ZNF737: variants seen among roughly 807,000 people sequenced by gnomAD.
ZNF737 encodes zinc finger protein 102 (Y3).
Under a neutral mutation model 11.7 loss-of-function variants are expected in ZNF737, and 13 were observed. That is an observed-to-expected ratio of 1.11 (90% CI 0.73 to 1.77). ZNF737 has a LOEUF of 1.77. Ranked by LOEUF, ZNF737 falls within the 40% of genes most tolerant of loss-of-function variation. The pLI, the probability that ZNF737 is intolerant of heterozygous loss-of-function variation, is 0.00. For synonymous variants in ZNF737, 217 were observed against 216.2 expected (o/e 1.00, Z -0.03); for missense variants, 636 against 638.0 (o/e 1.00, Z 0.03).
Position 20,543,283 on chromosome 19 carries a change from A to T in ZNF737, c.*1309T>A. 1.0e-6 allele frequency: 1 copy of T among 985,540 alleles called. No homozygotes were observed. Among genetic ancestry groups the T allele is most frequent in the Non-Finnish European group, 1.2e-6 (1 of 829,916 alleles). The allele number at this position is 985,540 out of a possible 1,614,324, so 61.0% of individuals were successfully genotyped here. ...AATTCCCTGATGTTGAACAAACTTG[A>T]GCAACTGCTTTAGGATTTTCCTCCA... is the stretch of plus-strand genomic sequence containing the variant. On this transcript the variant is annotated 3_prime_UTR_variant, in exon 4 of 4. Transcript: ENST00000427401.
rs1968384263 is a variant in ZNF737 at position 20,545,040 on chromosome 19, T to C, written c.1163A>G (p.Lys388Arg). 1.2e-6 allele frequency: 2 copies of C among 1,613,824 alleles called. No homozygotes were observed. Among genetic ancestry groups the C allele is most frequent in the African/African-American group, 2.7e-5 (2 of 74,944 alleles). ...GGGTTTCTCTCCAGTATGAATTCTC[T>C]TATGTGTAGTAAGGTGTGAGGACCA... Reference protein sequence around the residue: ...FNWSSHLTTHKRIHTGEKPYK... With the variant: ...FNWSSHLTTHRRIHTGEKPYK... The change falls in exon 4 of 4, where the codon AAG becomes AGG. Residue 388 changes from lysine to arginine, a missense_variant. By Grantham distance (26) the Lys-to-Arg change is conservative. Coordinates refer to ENST00000427401, the MANE Select transcript of ZNF737 (RefSeq NM_001159293.2).
Position 20,538,806 on chromosome 19 carries a change from C to T in ZNF737, c.*5786G>A, listed in dbSNP as rs560862159. On this transcript the variant is annotated 3_prime_UTR_variant, in exon 4 of 4. Transcript: ENST00000427401. ...TGTTATTTGCATAGCTAGATAATTA[C>T]CAACTTTAGTCATACTATTTTTTAG... is the stretch of plus-strand genomic sequence containing the variant. 2.5e-5 allele frequency: 25 copies of T among 985,348 alleles called. No individual in the cohort carries two copies. The South Asian group carries it at 3.3e-4, about 13-fold the overall frequency. 61.0% of individuals were successfully genotyped at this position (985,348 alleles called of 1,614,324 possible).
Position 20,540,071 on chromosome 19 carries a change from C to G in ZNF737, c.*4521G>C. On this transcript the variant is annotated 3_prime_UTR_variant, in exon 4 of 4. Coordinates refer to ENST00000427401, the MANE Select transcript of ZNF737 (RefSeq NM_001159293.2). The stretch of plus-strand genomic sequence containing the variant: ...TGAGATTCCCTTTTTTTTCCCTCTG[C>G]CATAGAATCCTCTTATGTTCCTTAC... 1.0e-6 allele frequency: 1 copy of G among 985,218 alleles called. No individual in the cohort carries two copies. Among genetic ancestry groups the G allele is most frequent in the Non-Finnish European group, 1.2e-6 (1 of 829,886 alleles). The allele number at this position is 985,218 out of a possible 1,614,324, so 61.0% of individuals were successfully genotyped here.
At chr19:20,553,126 C>T (rs1968756431) in intron 2 of ZNF737, among the ~76,000 whole-genome samples, 1 of 151,984 alleles carries the variant, frequency 6.6e-6, no homozygotes, top group Admixed American at 6.6e-5. Context: ...TTTAGATTTT[C>T]AGGTGGAAGC....
chr19:20,541,064 C>T lies in ZNF737; in HGVS notation c.*3528G>A. On this transcript the variant is annotated 3_prime_UTR_variant, in exon 4 of 4. Transcript: ENST00000427401. Reference sequence around the variant, plus strand: ...GTTTCTGGAGACAAAGTTGCCTGTGCTTTAATAGGCAGACTCTGGGGAGAA... The same window carrying T: ...GTTTCTGGAGACAAAGTTGCCTGTGTTTTAATAGGCAGACTCTGGGGAGAA... The T allele has an allele frequency of 2.0e-6, 2 of 985,212 alleles. No homozygotes were observed. The highest frequency in any genetic ancestry group is 3.5e-5 in the African/African-American group (2 of 57,304). The allele number at this position is 985,212 out of a possible 1,614,324, so 61.0% of individuals were successfully genotyped here.
At position 20,546,085 on chromosome 19, in the gene ZNF737, C is replaced by T. The variant is rs145888503; in HGVS notation, c.227-109G>A. ...AAACTACATAAGCAAGATGACACAG[C>T]AAAATACCACAAACTGTAATTTCTT... On this transcript the variant is annotated intron_variant, in intron 3 of 3. Transcript: ENST00000427401. 1,817 of 1,271,456 alleles carry T rather than the reference C, an allele frequency of 1.4e-3. 10 individuals carry two copies. In the East Asian group the frequency reaches 0.014, roughly 10 times the overall value. 78.8% of individuals were successfully genotyped at this position (1,271,456 alleles called of 1,614,324 possible).
rs1968440413 is a variant in ZNF737 at position 20,545,946 on chromosome 19, C to G, written c.257G>C (p.Trp86Ser). The part of the protein sequence containing the change: ...VTCSHFARDL[W>S]PEQSIKDSFQ... The stretch of plus-strand genomic sequence containing the variant: ...AGAATCTTTTATGCTCTGCTCTGGC[C>G]AAAGATCTCGGGCAAAATGAGAACA... The change falls in exon 4 of 4, where the codon TGG becomes TCG. Residue 86 changes from tryptophan (W) to serine (S), a missense_variant. Transcript: ENST00000427401. The G allele has an allele frequency of 6.4e-7, 1 of 1,558,494 alleles. No homozygotes were observed. Among genetic ancestry groups the G allele is most frequent in the Non-Finnish European group, 8.6e-7 (1 of 1,158,316 alleles).
rs1264978602 is a variant in ZNF737, at chr19:20,544,893, A to C, written c.1310T>G (p.Phe437Cys). 3.8e-6 allele frequency: 6 copies of C among 1,591,002 alleles called. No homozygotes were observed. The highest frequency in any genetic ancestry group is 1.7e-6 in the Non-Finnish European group (2 of 1,171,608). ...TCTCTTATGTGTAGTAAGGATAGAG[A>C]AGCACTTAAAGGCCTTGCCACATTC... Reference protein sequence around the residue: ...CEECGKAFKCFSILTTHKRIH... With the variant: ...CEECGKAFKCCSILTTHKRIH... The change falls in exon 4 of 4, where the codon TTC becomes TGC. Residue 437 changes from phenylalanine (F) to cysteine (C), a missense_variant. Physicochemically the swap from Phe to Cys is radical, Grantham distance 205. Coordinates refer to ENST00000427401, the MANE Select transcript of ZNF737 (RefSeq NM_001159293.2).
At chr19:20,553,261 C>CT (rs554853086) in intron 2 of ZNF737, among the ~76,000 whole-genome samples, 6 of 151,100 alleles carry the variant, frequency 4.0e-5, no homozygotes, top group Middle Eastern at 3.4e-3. Flanking sequence ...TTTTTCTTTT[C>CT]TTTTTTTTTC....
Position 20,538,498 on chromosome 19 carries a change from C to T in ZNF737, c.*6094G>A. 8.3e-6 allele frequency: 2 copies of T among 242,388 alleles called. No individual in the cohort carries two copies. Among genetic ancestry groups the T allele is most frequent in the Non-Finnish European group, 6.6e-6 (1 of 150,652 alleles). 15.0% of individuals were successfully genotyped at this position (242,388 alleles called of 1,614,324 possible). On this transcript the variant is annotated 3_prime_UTR_variant, in exon 4 of 4. Transcript: ENST00000427401. ...AGACACAGCAGTAGGGTGGACACGT[C>T]AAGTTATAAATGACTCTGTCTCCTC... is the stretch of plus-strand genomic sequence containing the variant.
At chr19:20,530,321 C>T in the ZNF737 span, among the ~76,000 whole-genome samples, 6 of 143,510 alleles carry the variant, frequency 4.2e-5, no homozygotes, top group Non-Finnish European at 7.7e-5. Context: ...GCTGACCCCC[C>T]ACCTCCCTCC....
chr19:20,533,859 TG>T (rs1204763090), downstream of ZNF737, among the ~76,000 whole-genome samples: 22 of 150,210 alleles, frequency 1.5e-4, 1 homozygote, highest in African/African-American at 4.7e-4. Context: ...ACTGATCAGT[TG>T]GTTGATTGGA....
At chr19:20,556,072 C>G (rs1398591340) in intron 1 of ZNF737, among the ~76,000 whole-genome samples, 7 of 152,140 alleles carry the variant, frequency 4.6e-5, no homozygotes, top group African/African-American at 1.7e-4. Flanking sequence ...TTTCTCCTTT[C>G]CTGTCCTCAG....
At chr19:20,565,539 G>A in intron 1 of ZNF737, 99 bp downstream of exon 1, 1 of 1,589,424 alleles carries the variant, frequency 6.3e-7, no homozygotes. Context: ...GCAGATTGTG[G>A]AGCTGACTGC....
At chr19:20,536,381 T>C (rs1967966158), downstream of ZNF737, among the ~76,000 whole-genome samples, 1 of 152,194 alleles carries the variant, frequency 6.6e-6, no homozygotes, top group Non-Finnish European at 1.5e-5. Context: ...AAATGCTAAT[T>C]TTTATTTAAA....
chr19:20,555,719 G>A (rs1968865005), intron 1 of ZNF737, among the ~76,000 whole-genome samples: 1 of 152,170 alleles, frequency 6.6e-6, no homozygotes, highest in Non-Finnish European at 1.5e-5. Context: ...TTAGGGAGGA[G>A]AAACACAAGT....
chr19:20,551,620 T>C (rs375315646), intron 3 of ZNF737, among the ~76,000 whole-genome samples: 17 of 152,068 alleles, frequency 1.1e-4, no homozygotes, highest in Middle Eastern at 3.4e-3. Context: ...CAAGTACATG[T>C]ATTGTTTCAT....
downstream of ZNF737, among the ~76,000 whole-genome samples, chr19:20,532,578 AT>A (rs1221655804): frequency 1.4e-5 from 2 of 146,512 alleles, no homozygotes; most frequent in Non-Finnish European, 3.0e-5. Context: ...CTCAGTGAAG[AT>A]TTATTCAAAC....
At chr19:20,551,642 AAACT>A (rs1442127629) in intron 3 of ZNF737, among the ~76,000 whole-genome samples, 1 of 151,940 alleles carries the variant, frequency 6.6e-6, no homozygotes, top group African/African-American at 2.4e-5. Flanking sequence ...CGCTTAAAAC[AAACT>A]ATCTGATAAA....
Sources: gnomAD v4.1 joint callset for allele counts (sites outside exome capture counted in the v4.1 genomes callset) on GRCh38, gnomAD v4.1.1 for gene constraint, MANE v1.5 for transcripts, NCBI Gene and HGNC (gene_info 2026-07-23, HGNC 2026-07-21) for gene names.